Variants in GHRH observed in about 807,000 individuals in gnomAD.
GHRH encodes growth hormone releasing hormone.
Under a neutral mutation model 15.6 loss-of-function variants are expected in GHRH, and 7 were observed. The observed-to-expected ratio is 0.45, with a 90% CI of 0.26 to 0.84. The LOEUF (loss-of-function observed/expected upper bound fraction) is 0.84. GHRH is among the 40% of genes least tolerant of loss of function. The pLI is 0.18. For synonymous variants in GHRH, 54 were observed against 50.4 expected (o/e 1.07, Z -0.30); for missense variants, 117 against 138.0 (o/e 0.85, Z 0.76).
At position 37,261,159 on chromosome 20, in the gene GHRH, A is replaced by G. The variant is rs2068684854; in HGVS notation, c.-20+584T>C. ...TTCCAGAAGGGGTTTGAGGCAGTCT[A>G]TGGTGAAAGACACAAATACTTCAGG... On this transcript the variant is annotated intron_variant, in intron 1 of 4. Transcript: ENST00000373614. Among the ~76,000 whole-genome samples the G allele has an allele frequency of 3.3e-5, 5 of 152,338 alleles. No individual in the cohort carries two copies. The South Asian group carries it at 1.0e-3, about 32-fold the overall frequency.
intron 4 of GHRH, among the ~76,000 whole-genome samples, chr20:37,252,570 A>G (rs565803566): frequency 5.4e-5 from 8 of 147,824 alleles, no homozygotes; most frequent in African/African-American, 2.0e-4. Context: ...AGTTCGAGAC[A>G]AGCTTGGCCA....
chr20:37,251,643 G>A (rs760084467), intron 4 of GHRH, among the ~76,000 whole-genome samples: 3 of 152,186 alleles, frequency 2.0e-5, no homozygotes, highest in Admixed American at 1.3e-4. Flanking sequence ...AGCAGGGGTC[G>A]CTGCTGTCCT....
At chr20:37,255,352 G>T (rs114967064) in intron 3 of GHRH, among the ~76,000 whole-genome samples, 1 of 152,024 alleles carries the variant, frequency 6.6e-6, no homozygotes, top group South Asian at 2.1e-4. Context: ...CACTCTTTGT[G>T]TGTCCTTTAA....
intron 3 of GHRH, among the ~76,000 whole-genome samples, chr20:37,254,703 G>C (rs2068645451): frequency 6.6e-6 from 1 of 152,138 alleles, no homozygotes; most frequent in Non-Finnish European, 1.5e-5. Context: ...CTACTTCTGT[G>C]AATGCATCAC....
chr20:37,257,476 T>C (rs1444384014), intron 1 of GHRH, among the ~76,000 whole-genome samples: 1 of 147,398 alleles, frequency 6.8e-6, no homozygotes, highest in Non-Finnish European at 1.5e-5. Flanking sequence ...GATCGTCCCA[T>C]GCACTCCACG....
chr20:37,259,030 A>G (rs1221674464), intron 1 of GHRH, among the ~76,000 whole-genome samples: 2 of 152,090 alleles, frequency 1.3e-5, no homozygotes, highest in African/African-American at 4.8e-5. Flanking sequence ...ATGAGCCACA[A>G]TGCCAGGCCC....
Position 37,254,215 on chromosome 20 carries a change from C to T in GHRH, c.303G>A (p.Lys101=). The change falls in exon 4 of 5, where the codon AAG becomes AAA. Residue 101 remains lysine, a synonymous_variant. Transcript: ENST00000373614. Reference sequence around the variant, plus strand: ...CCATGCACACACACCCATACCTGTGCTTCTGCAGCAGGGCCACCAGGATGC... The same window carrying T: ...CCATGCACACACACCCATACCTGTGTTTCTGCAGCAGGGCCACCAGGATGC... ...LESILVALLQ[K]HSRNSQG is the part of the protein sequence containing the mutation. 6.2e-7 allele frequency: 1 copy of T among 1,614,172 alleles called. No homozygotes were observed. Among genetic ancestry groups the T allele is most frequent in the Non-Finnish European group, 8.5e-7 (1 of 1,179,988 alleles).
intron 2 of GHRH, 30 bp downstream of exon 2, chr20:37,256,777 T>C (rs533557177): frequency 1.9e-5 from 29 of 1,539,070 alleles, no homozygotes; most frequent in Non-Finnish European, 2.4e-5. Flanking sequence ...GGCTTGGGAG[T>C]GGTGGGAACT....
intron 1 of GHRH, among the ~76,000 whole-genome samples, chr20:37,257,273 G>A (rs1291961518): frequency 6.6e-6 from 1 of 152,122 alleles, no homozygotes; most frequent in African/African-American, 2.4e-5. Context: ...CCAGCACTTT[G>A]GGAGGCTGAG....
In GHRH at chr20:37,256,937, G is replaced by C. The variant is rs112270050; in HGVS notation, c.-19-29C>G. On this transcript the variant is annotated intron_variant, in intron 1 of 4. Coordinates refer to ENST00000373614, the MANE Select transcript of GHRH (RefSeq NM_021081.6). ...CAGAGTGACAGGAGGGGAAGGTCAG[G>C]TACAGCCACAGCCATTGGGATGGCC... 3.1e-5 allele frequency: 42 copies of C among 1,369,198 alleles called. No homozygotes were observed. The African/African-American group carries it at 4.2e-4, about 14-fold the overall frequency. 84.8% of individuals were successfully genotyped at this position (1,369,198 alleles called of 1,614,324 possible). A position where few individuals can be genotyped will look rare whatever the true frequency, so the allele number is the denominator to read the frequency against.
intron 4 of GHRH, among the ~76,000 whole-genome samples, chr20:37,252,398 A>C (rs773255187): frequency 3.9e-5 from 6 of 152,152 alleles, no homozygotes; most frequent in Non-Finnish European, 7.3e-5. Context: ...CTCTGCTGGG[A>C]ACTGGATTTG....
intron 4 of GHRH, among the ~76,000 whole-genome samples, chr20:37,253,107 G>T (rs1053577143): frequency 1.3e-5 from 2 of 152,214 alleles, no homozygotes; most frequent in African/African-American, 2.4e-5. Flanking sequence ...GGGAAACTTT[G>T]CCCATGAAGT....
chr20:37,259,315 C>T (rs2068675740), intron 1 of GHRH, among the ~76,000 whole-genome samples: 1 of 152,178 alleles, frequency 6.6e-6, no homozygotes, highest in African/African-American at 2.4e-5. Context: ...CTTCCGTCCT[C>T]CTCATCGCAC....
At chr20:37,259,130 G>C (rs1019916822) in intron 1 of GHRH, among the ~76,000 whole-genome samples, 1 of 152,164 alleles carries the variant, frequency 6.6e-6, no homozygotes, top group African/African-American at 2.4e-5. Flanking sequence ...CTACTGTTCC[G>C]GTAAGGACTG....
chr20:37,259,366 C>A (rs1040985910), intron 1 of GHRH, among the ~76,000 whole-genome samples: 2 of 152,208 alleles, frequency 1.3e-5, no homozygotes, highest in East Asian at 3.9e-4. Flanking sequence ...CTGGTCCAGG[C>A]TGCCTCTCCA....
At chr20:37,260,051 C>T (rs531796245) in intron 1 of GHRH, among the ~76,000 whole-genome samples, 133 of 152,322 alleles carry the variant, frequency 8.7e-4, no homozygotes, top group African/African-American at 3.0e-3. Flanking sequence ...TCCCTATGCA[C>T]ACCCAGTAGT....
At chr20:37,253,123 C>T (rs1053899343) in intron 4 of GHRH, among the ~76,000 whole-genome samples, 3 of 152,242 alleles carry the variant, frequency 2.0e-5, no homozygotes, top group Admixed American at 6.5e-5. Flanking sequence ...GAAGTGGGGG[C>T]TTTGTGCAAA....
intron 3 of GHRH, among the ~76,000 whole-genome samples, chr20:37,254,619 C>T (rs2072790081): frequency 6.6e-6 from 1 of 152,184 alleles, no homozygotes; most frequent in Admixed American, 6.5e-5. Flanking sequence ...TTACCATCTA[C>T]CAATAATCCA....
At position 37,256,909 on chromosome 20, in the gene GHRH, C is replaced by T. The variant is rs1351663480; in HGVS notation, c.-19-1G>A. On this transcript the variant is annotated splice_acceptor_variant, in intron 1 of 4. Transcript: ENST00000373614. LOFTEE classifies it low-confidence loss of function (5UTR_SPLICE). The stretch of plus-strand genomic sequence containing the variant: ...TGGCATCCTTCACCCGGGGTGGCAC[C>T]TGCAGAGTGACAGGAGGGGAAGGTC... 6 of 1,580,756 alleles carry T rather than the reference C, an allele frequency of 3.8e-6. No homozygotes were observed. Among genetic ancestry groups the T allele is most frequent in the South Asian group, 1.1e-5 (1 of 87,846 alleles).
Sources: gnomAD v4.1 joint callset for allele counts (sites outside exome capture counted in the v4.1 genomes callset) on GRCh38, gnomAD v4.1.1 for gene constraint, MANE v1.5 for transcripts, NCBI Gene and HGNC (gene_info 2026-07-23, HGNC 2026-07-21) for gene names.